Variants in TET2 observed in about 807,000 individuals in gnomAD.
TET2 encodes methylcytosine dioxygenase TET2.
In TET2, 299 loss-of-function variants were observed where a neutral mutation model predicts 142.9. The observed-to-expected ratio is 2.09, with a 90% CI of 1.90 to 2.30. TET2 has a LOEUF of 2.30. TET2 is among the 30% of genes most tolerant of loss of function. The pLI, the probability that TET2 is intolerant of heterozygous loss-of-function variation, is 0.00. For missense variants in TET2, 2,418 were observed against 2,378.0 expected (o/e 1.02, Z -0.35); for synonymous variants, 819 against 849.0 (o/e 0.96, Z 0.61).
In TET2 at chr4:105,272,717, G is replaced by A. The variant is rs1248343737; in HGVS notation, c.4336G>A (p.Val1446Ile). The change falls in exon 10 of 11, where the codon GTA becomes ATA. Residue 1446 changes from valine (V) to isoleucine (I), a missense_variant. Coordinates refer to ENST00000380013, the MANE Select transcript of TET2 (RefSeq NM_001127208.3). ...EEKKRSGAIQVLSSFRRKVRM... is the reference protein window; with the variant it reads ...EEKKRSGAIQILSSFRRKVRM... ...GAAAAAACGGAGTGGTGCCATTCAG[G>A]TACTGAGTTCTTTTCGGCGAAAAGT... is the stretch of plus-strand genomic sequence containing the variant. The A allele has an allele frequency of 1.9e-6, 3 of 1,551,600 alleles. No individual in the cohort carries two copies. Among genetic ancestry groups the A allele is most frequent in the Non-Finnish European group, 2.6e-6 (3 of 1,147,002 alleles).
rs1034757527 is a variant in TET2, at chr4:105,277,301, T to G, written c.*782T>G. 8.9e-6 allele frequency: 2 copies of G among 225,902 alleles called. No homozygotes were observed. The highest frequency in any genetic ancestry group is 4.4e-5 in the African/African-American group (2 of 44,974). The allele number at this position is 225,902 out of a possible 1,614,324, so 14.0% of individuals were successfully genotyped here. ...TGGACATTTTAAAGGCCTCTGGATT[T>G]TGCTCATCCAGTGAAGTCCTTGTAG... On this transcript the variant is annotated 3_prime_UTR_variant, in exon 11 of 11. Coordinates refer to ENST00000380013, the MANE Select transcript of TET2 (RefSeq NM_001127208.3).
intron 1 of TET2, among the ~76,000 whole-genome samples, chr4:105,181,289 G>A (rs1427286119): frequency 6.6e-6 from 1 of 152,116 alleles, no homozygotes. Context: ...GCTTTTTGAG[G>A]ATTTTCCTTT....
intron 2 of TET2, among the ~76,000 whole-genome samples, chr4:105,223,427 T>TA (rs1245399983): frequency 3.3e-5 from 5 of 152,062 alleles, no homozygotes; most frequent in African/African-American, 1.2e-4. Context: ...AAATGCCCTA[T>TA]AAAAAACACT....
intron 1 of TET2, among the ~76,000 whole-genome samples, chr4:105,183,049 C>A (rs1413735167): frequency 1.3e-5 from 2 of 152,048 alleles, no homozygotes; most frequent in African/African-American, 2.4e-5. Flanking sequence ...AAAATAAAAT[C>A]ATTTTTAAAA....
At chr4:105,225,541 T>A (rs1728139138) in intron 2 of TET2, among the ~76,000 whole-genome samples, 1 of 152,078 alleles carries the variant, frequency 6.6e-6, no homozygotes, top group East Asian at 1.9e-4. Context: ...CAAGAAGAAA[T>A]GAAGTTAAAT....
chr4:105,259,681 G>A lies in TET2; in HGVS notation c.3866G>A (p.Cys1289Tyr), dbSNP rs1382453941. 2.6e-6 allele frequency: 4 copies of A among 1,551,088 alleles called. No individual in the cohort carries two copies. Among genetic ancestry groups the A allele is most frequent in the Non-Finnish European group, 3.5e-6 (4 of 1,146,608 alleles). Residue 1289 changes from cysteine (C) to tyrosine (Y), a missense_variant, in exon 7 of 11, where the codon TGT becomes TAT. Transcript: ENST00000380013. ...ETCGASFSFG[C>Y]SWSMYYNGCK... ...TGTGGTGCCTCCTTCTCTTTTGGTT[G>A]TTCATGGAGCATGTACTACAATGGA...
chr4:105,209,358 T>C (rs1408662968), intron 2 of TET2, among the ~76,000 whole-genome samples: 1 of 151,962 alleles, frequency 6.6e-6, no homozygotes, highest in African/African-American at 2.4e-5. Context: ...GGAGGAAATC[T>C]GAAATTTCAG....
rs1281262019 is a variant in TET2, at chr4:105,261,812, A to G, written c.4008A>G (p.Thr1336=). ...LQNLSTLMAP[T]YKKLAPDAYN... ...ACCTGTCCACTCTTATGGCACCAAC[A>G]TATAAGAAACTTGCACCTGATGCAT... Residue 1336 remains threonine (T), a synonymous_variant, in exon 8 of 11, where the codon ACA becomes ACG. Coordinates refer to ENST00000380013, the MANE Select transcript of TET2 (RefSeq NM_001127208.3). 6 of 1,549,566 alleles carry G rather than the reference A, an allele frequency of 3.9e-6. No individual in the cohort carries two copies. The highest frequency in any genetic ancestry group is 2.7e-5 in the African/African-American group (2 of 72,968).
chr4:105,183,829 G>C (rs1725265106), intron 1 of TET2, among the ~76,000 whole-genome samples: 1 of 152,092 alleles, frequency 6.6e-6, no homozygotes, highest in South Asian at 2.1e-4. Context: ...GACTATTAAA[G>C]CATCAAAATC....
intron 1 of TET2, among the ~76,000 whole-genome samples, chr4:105,155,852 T>C (rs1320616210): frequency 6.6e-6 from 1 of 152,248 alleles, no homozygotes; most frequent in Admixed American, 6.5e-5. Context: ...AATTTTACTT[T>C]TTAAGAGTAT....
intron 2 of TET2, among the ~76,000 whole-genome samples, chr4:105,199,853 C>T (rs1053731508): frequency 2.6e-5 from 4 of 152,032 alleles, no homozygotes; most frequent in Non-Finnish European, 1.5e-5. Flanking sequence ...CATCCATGTC[C>T]ATGCAAAAAA....
intron 1 of TET2, among the ~76,000 whole-genome samples, chr4:105,169,847 T>C (rs1724359989): frequency 6.6e-6 from 1 of 152,082 alleles, no homozygotes; most frequent in Non-Finnish European, 1.5e-5. Flanking sequence ...GTCCTTTACC[T>C]ACTAATTTAT....
chr4:105,256,176 T>G (rs1730120635), intron 6 of TET2, among the ~76,000 whole-genome samples: 1 of 152,166 alleles, frequency 6.6e-6, no homozygotes, highest in Non-Finnish European at 1.5e-5. Context: ...CATATATGAT[T>G]TCATATTTAC....
chr4:105,242,059 T>C, intron 4 of TET2: 1 of 1,228,968 alleles, frequency 8.1e-7, no homozygotes, highest in Non-Finnish European at 1.0e-6. Context: ...TTTATACAGC[T>C]CTGAGCTGTT....
intron 8 of TET2, among the ~76,000 whole-genome samples, chr4:105,265,730 G>A (rs1024937214): frequency 7.9e-5 from 12 of 152,094 alleles, no homozygotes; most frequent in Admixed American, 2.6e-4. Flanking sequence ...TACATATGCC[G>A]TTACACATTT....
intron 2 of TET2, among the ~76,000 whole-genome samples, chr4:105,230,906 T>C (rs936329144): frequency 6.6e-6 from 1 of 152,158 alleles, no homozygotes; most frequent in Non-Finnish European, 1.5e-5. Context: ...TATTCAAATA[T>C]TAAATTCATC....
chr4:105,163,131 A>T (rs1723941000), intron 1 of TET2, among the ~76,000 whole-genome samples: 1 of 152,224 alleles, frequency 6.6e-6, no homozygotes, highest in Admixed American at 6.5e-5. Flanking sequence ...TCCTACTTGT[A>T]ACAAATTATC....
At chr4:105,161,517 A>G (rs1267767076) in intron 1 of TET2, among the ~76,000 whole-genome samples, 1 of 152,198 alleles carries the variant, frequency 6.6e-6, no homozygotes, top group Non-Finnish European at 1.5e-5. Flanking sequence ...CTTTTCCTGC[A>G]CAGAGCAGAG....
chr4:105,260,144 A>G (rs1028873220), intron 7 of TET2, among the ~76,000 whole-genome samples: 5 of 148,680 alleles, frequency 3.4e-5, no homozygotes, highest in South Asian at 2.1e-4. Context: ...ATGAGATTCA[A>G]ATAATTTAAA....
Sources: allele counts gnomAD v4.1 joint callset (sites outside exome capture counted in the v4.1 genomes callset), GRCh38; gene constraint gnomAD v4.1.1; transcripts MANE v1.5; gene names NCBI Gene and HGNC (gene_info 2026-07-23, HGNC 2026-07-21).